CARMIL1: variants seen among roughly 807,000 people sequenced by gnomAD.
CARMIL1 encodes the protein capping protein regulator and myosin 1 linker 1.
Under a neutral mutation model 177.1 loss-of-function variants are expected in CARMIL1, and 90 were observed. The observed-to-expected ratio is 0.51, with a 90% CI of 0.43 to 0.61. The LOEUF (loss-of-function observed/expected upper bound fraction) is 0.61. CARMIL1 is among the 20% of genes least tolerant of loss of function. The pLI, the probability that CARMIL1 is intolerant of heterozygous loss-of-function variation, is 0.00. For synonymous variants in CARMIL1, 577 were observed against 606.2 expected (o/e 0.95, Z 0.71); for missense variants, 1,380 against 1,667.0 (o/e 0.83, Z 3.00).
intron 2 of CARMIL1, among the ~76,000 whole-genome samples, chr6:25,342,591 T>G (rs1787054845): frequency 6.7e-6 from 1 of 149,778 alleles, no homozygotes; most frequent in Non-Finnish European, 1.5e-5. Flanking sequence ...TCTTGCCTCT[T>G]TCTAGTTAGG....
intron 2 of CARMIL1, among the ~76,000 whole-genome samples, chr6:25,297,800 C>A (rs1782537489): frequency 6.6e-6 from 1 of 152,154 alleles, no homozygotes; most frequent in African/African-American, 2.4e-5. Context: ...GTCGTTTTTT[C>A]TGTGTTCTCT....
intron 4 of CARMIL1, among the ~76,000 whole-genome samples, chr6:25,427,262 G>C (rs1038072377): frequency 6.6e-6 from 1 of 152,020 alleles, no homozygotes; most frequent in African/African-American, 2.4e-5. Context: ...GTGGTTTGCT[G>C]CACCTATCCA....
rs572369912 is a variant in CARMIL1, at chr6:25,607,210, T to C, written c.3847+937T>C. Among the ~76,000 whole-genome samples the C allele has an allele frequency of 5.2e-5, 7 of 134,204 alleles. 1 individual carries two copies. Among genetic ancestry groups the C allele is most frequent in the East Asian group, 2.2e-4 (1 of 4,610 alleles). 88.0% of individuals were successfully genotyped at this position (134,204 alleles called of 152,430 possible). A position where few individuals can be genotyped will look rare whatever the true frequency, so the allele number is the denominator to read the frequency against. Reference sequence around the variant, plus strand: ...AAAAAACACCACACACACACACACATTAGGTTTTTTTTTTTTAATTTAACT... The same window carrying C: ...AAAAAACACCACACACACACACACACTAGGTTTTTTTTTTTTAATTTAACT... On this transcript the variant is annotated intron_variant, in intron 35 of 36. Transcript: ENST00000329474.
At chr6:25,510,854 G>GC in intron 20 of CARMIL1, 92 bp downstream of exon 20, 1 of 737,322 alleles carries the variant, frequency 1.4e-6, no homozygotes, top group Non-Finnish European at 2.2e-6. Flanking sequence ...AATACTTTCA[G>GC]ATAGTTTTAT....
In CARMIL1 at chr6:25,606,167, C is replaced by A; in HGVS notation, c.3741C>A (p.Ser1247Arg). 6.2e-7 allele frequency: 1 copy of A among 1,614,004 alleles called. No homozygotes were observed. Among genetic ancestry groups the A allele is most frequent in the South Asian group, 1.1e-5 (1 of 91,066 alleles). The change falls in exon 35 of 37, where the codon AGC (serine) becomes AGA (arginine). Residue 1247 changes from serine (S) to arginine (R), a missense_variant. Transcript: ENST00000329474. ...PKAEAGSRSR[S>R]SSSTPTSPKP... ...CGGAAGCAGGCTCCAGGTCTCGGAG[C>A]TCATCCAGCACACCTACGAGCCCGA...
At chr6:25,575,259 T>G (rs1206332108) in intron 29 of CARMIL1, among the ~76,000 whole-genome samples, 2 of 152,066 alleles carry the variant, frequency 1.3e-5, no homozygotes, top group African/African-American at 2.4e-5. Flanking sequence ...TGGACAAGAG[T>G]AGCAGAATGA....
At chr6:25,459,255 T>C (rs989842838) in intron 8 of CARMIL1, among the ~76,000 whole-genome samples, 2 of 119,466 alleles carry the variant, frequency 1.7e-5, no homozygotes, top group East Asian at 2.6e-4. Flanking sequence ...TCTTTCTTTC[T>C]TTCTTTCTTT....
At chr6:25,520,120 T>C in intron 22 of CARMIL1, 124 bp from the exon 23 acceptor site, 1 of 549,340 alleles carries the variant, frequency 1.8e-6, no homozygotes, top group Non-Finnish European at 3.3e-6. Context: ...CTAAATGGTC[T>C]GGTGGTTTGG....
intron 21 of CARMIL1, among the ~76,000 whole-genome samples, chr6:25,516,470 A>G (rs1679438040): frequency 6.6e-6 from 1 of 152,166 alleles, no homozygotes. Flanking sequence ...GAGTTAATTC[A>G]CATTGCTCCT....
intron 23 of CARMIL1, 38 bp downstream of exon 23, chr6:25,520,375 C>T (rs1427696555): frequency 1.2e-5 from 13 of 1,112,238 alleles, no homozygotes; most frequent in East Asian, 7.7e-5. Context: ...AAGAAATTCA[C>T]ATTTGAATTG....
rs138647959 is a variant in CARMIL1, at chr6:25,496,073, A to C, written c.1325+858A>C. On this transcript the variant is annotated intron_variant, in intron 16 of 36. Coordinates refer to ENST00000329474, the MANE Select transcript of CARMIL1 (RefSeq NM_017640.6). ...TGCTATTCATCTTACTAGAAAATTA[A>C]GCTTCATTTAATTTATAAATTTTCT... Among the ~76,000 whole-genome samples the C allele has an allele frequency of 5.5e-3, 843 of 152,334 alleles. 7 individuals carry two copies. The highest frequency in any genetic ancestry group is 0.017 in the African/African-American group (719 of 41,570).
intron 4 of CARMIL1, among the ~76,000 whole-genome samples, chr6:25,433,636 G>A (rs1368007011): frequency 6.6e-6 from 1 of 152,174 alleles, no homozygotes; most frequent in East Asian, 1.9e-4. Flanking sequence ...CCTTTGCCTA[G>A]AGAATTTTAA....
rs1759641558 is a variant in CARMIL1, at chr6:25,620,333, T to A, written c.*750T>A. Reference sequence around the variant, plus strand: ...GATTGGAATGAGGTTTTATGAATATTCATGTTTTTGAAGGCCTTTAATTTC... The same window carrying A: ...GATTGGAATGAGGTTTTATGAATATACATGTTTTTGAAGGCCTTTAATTTC... On this transcript the variant is annotated 3_prime_UTR_variant, in exon 37 of 37. Coordinates refer to ENST00000329474, the MANE Select transcript of CARMIL1 (RefSeq NM_017640.6). 1 of 152,216 alleles carries A rather than the reference T, an allele frequency of 6.6e-6. No individual in the cohort carries two copies. The highest frequency in any genetic ancestry group is 2.4e-5 in the African/African-American group (1 of 41,458). The allele number at this position is 152,216 out of a possible 1,614,324, so 9.4% of individuals were successfully genotyped here. A position where few individuals can be genotyped will look rare whatever the true frequency, so the allele number is the denominator to read the frequency against.
chr6:25,590,898 C>A (rs1429513454), intron 31 of CARMIL1, among the ~76,000 whole-genome samples: 2 of 152,034 alleles, frequency 1.3e-5, no homozygotes, highest in African/African-American at 4.8e-5. Flanking sequence ...TTCTAAGAGT[C>A]AACTGTTTTA....
intron 17 of CARMIL1, among the ~76,000 whole-genome samples, chr6:25,502,264 CA>C (rs1004427316): frequency 7.7e-5 from 11 of 142,626 alleles, no homozygotes; most frequent in Admixed American, 2.8e-4. Flanking sequence ...AAAAAAAAAA[CA>C]AAAAAAAAAC....
In CARMIL1 at chr6:25,472,522, G is replaced by A; in HGVS notation, c.874+1G>A. On this transcript the variant is annotated splice_donor_variant, in intron 11 of 36. Coordinates refer to ENST00000329474, the MANE Select transcript of CARMIL1 (RefSeq NM_017640.6). LOFTEE classifies it high-confidence loss of function. ...GCTGGCAACCCACTGGAGGATAGAG[G>A]TACTGCAGAGTTCTCATTATCATTG... 1 of 1,563,210 alleles carries A rather than the reference G, an allele frequency of 6.4e-7. No homozygotes were observed. The highest frequency in any genetic ancestry group is 8.7e-7 in the Non-Finnish European group (1 of 1,151,408).
chr6:25,612,645 A>C, intron 36 of CARMIL1: 1 of 618,930 alleles, frequency 1.6e-6, no homozygotes, highest in Non-Finnish European at 2.0e-6. Flanking sequence ...GGGTAAGCTG[A>C]TATTTAATTT....
At chr6:25,527,140 A>T (rs946091380) in intron 23 of CARMIL1, among the ~76,000 whole-genome samples, 2 of 152,192 alleles carry the variant, frequency 1.3e-5, no homozygotes, top group Admixed American at 1.3e-4. Context: ...TCAGCTGTCC[A>T]GGGGAGCCCA....
intron 2 of CARMIL1, among the ~76,000 whole-genome samples, chr6:25,390,075 C>G (rs569261162): frequency 4.6e-5 from 7 of 152,030 alleles, no homozygotes; most frequent in African/African-American, 1.7e-4. Context: ...GAACTTCTTC[C>G]TGAAATTAGT....
Sources: allele counts gnomAD v4.1 joint callset (sites outside exome capture counted in the v4.1 genomes callset), GRCh38; gene constraint gnomAD v4.1.1; transcripts MANE v1.5; gene names NCBI Gene and HGNC (gene_info 2026-07-23, HGNC 2026-07-21).